PTPRC: variants seen among roughly 807,000 people sequenced by gnomAD.
PTPRC encodes the protein protein tyrosine phosphatase receptor type C, also known as receptor-type tyrosine-protein phosphatase C.
Under a neutral mutation model 155.9 loss-of-function variants are expected in PTPRC, and 44 were observed. That is an observed-to-expected ratio of 0.28 (90% CI 0.22 to 0.36). The LOEUF (loss-of-function observed/expected upper bound fraction) is 0.36, where lower values mean the gene tolerates loss of function less well. PTPRC is among the 10% of genes least tolerant of loss of function. The pLI is 1.00. For missense variants in PTPRC, 1,401 were observed against 1,564.6 expected, an observed-to-expected ratio of 0.90 and a Z score of 1.76; for synonymous variants, 525 against 533.1, an observed-to-expected ratio of 0.98 and a Z score of 0.21.
intron 31 of PTPRC, 151 bp from the exon 32 acceptor site, chr1:198,754,118 G>C (rs114128254): frequency 2.2e-6 from 2 of 921,806 alleles, no homozygotes; most frequent in African/African-American, 3.4e-5. Flanking sequence ...TGCATTTAGC[G>C]TAAATAATTT....
intron 2 of PTPRC, among the ~76,000 whole-genome samples, chr1:198,642,370 G>GTCTATCTA (rs369299301): frequency 0.1 from 15,298 of 150,400 alleles, 835 homozygotes; most frequent in Middle Eastern, 0.15. Context: ...CTATCTATCT[G>GTCTATCTA]TCTATCTATC....
At chr1:198,709,995 T>A (rs1408817960) in intron 11 of PTPRC, among the ~76,000 whole-genome samples, 171 bp downstream of exon 11, 3 of 152,232 alleles carry the variant, frequency 2.0e-5, no homozygotes, top group Non-Finnish European at 2.9e-5. Context: ...CTTTTGCTTA[T>A]GTTTTTGGTG....
chr1:198,658,005 C>A (rs1341752189), intron 2 of PTPRC, among the ~76,000 whole-genome samples: 2 of 152,162 alleles, frequency 1.3e-5, no homozygotes, highest in African/African-American at 4.8e-5. Flanking sequence ...ACAGGTTTTT[C>A]ACCTTTCCAG....
intron 3 of PTPRC, 30 bp from the exon 4 acceptor site, chr1:198,696,682 G>T: frequency 6.4e-7 from 1 of 1,565,622 alleles, no homozygotes; most frequent in African/African-American, 1.4e-5. Flanking sequence ...TATTTATTTT[G>T]TCCTTCTCCC....
At chr1:198,722,296 T>C in intron 14 of PTPRC, 120 bp from the exon 15 acceptor site, 1 of 402,044 alleles carries the variant, frequency 2.5e-6, no homozygotes, top group South Asian at 8.4e-5. Flanking sequence ...CAGCATACTT[T>C]TATTGTATGC....
intron 26 of PTPRC, among the ~76,000 whole-genome samples, chr1:198,744,469 T>C (rs1655050174): frequency 1.3e-5 from 2 of 151,818 alleles, no homozygotes; most frequent in African/African-American, 4.8e-5. Flanking sequence ...TGGTATAAAA[T>C]GAAGTGTCAA....
intron 4 of PTPRC, among the ~76,000 whole-genome samples, chr1:198,697,457 T>C (rs1666258532): frequency 6.6e-6 from 1 of 152,168 alleles, no homozygotes; most frequent in African/African-American, 2.4e-5. Context: ...TTAATTAAGG[T>C]TGTGAGTTCT....
intron 15 of PTPRC, among the ~76,000 whole-genome samples, chr1:198,726,760 C>A (rs1247120483): frequency 6.6e-6 from 1 of 152,048 alleles, no homozygotes; most frequent in African/African-American, 2.4e-5. Flanking sequence ...GAAAATACAT[C>A]CCCTCTACTT....
intron 15 of PTPRC, among the ~76,000 whole-genome samples, chr1:198,723,952 G>A (rs1283615870): frequency 2.6e-5 from 4 of 152,252 alleles, no homozygotes; most frequent in African/African-American, 4.8e-5. Flanking sequence ...AGTTATGAGC[G>A]GGCACTGCAC....
rs937358972 is a variant in PTPRC, at chr1:198,703,465, C to A, written c.658+93C>A. On this transcript the variant is annotated intron_variant, in intron 7 of 32. Coordinates refer to ENST00000442510, the MANE Select transcript of PTPRC (RefSeq NM_002838.5). ...CTTCCACCCACTCTACCTCGGGCTC[C>A]TTTCTTTAAGTTGCATTAAGTGTTT... 12 of 1,595,604 alleles carry A rather than the reference C, an allele frequency of 7.5e-6. No homozygotes were observed. In the South Asian group the frequency reaches 1.2e-4, roughly 16 times the overall value.
intron 23 of PTPRC, among the ~76,000 whole-genome samples, chr1:198,738,103 C>T (rs1196221943): frequency 6.6e-6 from 1 of 151,702 alleles, no homozygotes; most frequent in Non-Finnish European, 1.5e-5. Flanking sequence ...AATGTGCAAA[C>T]AAGTATAATT....
At chr1:198,687,723 A>C (rs547234898) in intron 2 of PTPRC, among the ~76,000 whole-genome samples, 2 of 152,288 alleles carry the variant, frequency 1.3e-5, no homozygotes, top group East Asian at 3.9e-4. Flanking sequence ...GTTTAACATT[A>C]AAAAGACTGA....
intron 2 of PTPRC, among the ~76,000 whole-genome samples, chr1:198,682,641 C>T (rs1395212906): frequency 6.6e-6 from 1 of 152,174 alleles, no homozygotes; most frequent in Non-Finnish European, 1.5e-5. Flanking sequence ...ATAGGTTGAT[C>T]AGCAAAGGCT....
Position 198,702,404 on chromosome 1 carries a change from A to T in PTPRC, c.457A>T (p.Ser153Cys). ...NAISDVPGER[S>C]TASTFPTDPV... ...GATTGCAGATGTCCCAGGAGAGAGG[A>T]GTACAGCCAGCACCTTTCCTACAGA... The change falls in exon 6 of 33, where the codon AGT (serine) becomes TGT (cysteine). Residue 153 changes from serine to cysteine, a missense_variant. By Grantham distance (112) the Ser-to-Cys change is moderately radical (BLOSUM62 -1). This residue lies in a region of PTPRC where 867 missense variants were observed against 970.4 expected (regional missense o/e 0.89). Transcript: ENST00000442510. 1 of 1,614,156 alleles carries T rather than the reference A, an allele frequency of 6.2e-7. No homozygotes were observed. The highest frequency in any genetic ancestry group is 8.5e-7 in the Non-Finnish European group (1 of 1,180,020).
chr1:198,740,356 T>C (rs1194486300), intron 23 of PTPRC, among the ~76,000 whole-genome samples: 3 of 151,930 alleles, frequency 2.0e-5, no homozygotes, highest in African/African-American at 7.2e-5. Context: ...GTCGGGTGTA[T>C]CATTTGAGGT....
At chr1:198,684,673 C>CA (rs200766684) in intron 2 of PTPRC, among the ~76,000 whole-genome samples, 2,771 of 150,380 alleles carry the variant, frequency 0.018, 34 homozygotes, top group Non-Finnish European at 0.019. Flanking sequence ...TTCTTTAAAA[C>CA]AAAAAAAAAG....
chr1:198,670,320 G>A (rs1473083850), intron 2 of PTPRC, among the ~76,000 whole-genome samples: 1 of 151,994 alleles, frequency 6.6e-6, no homozygotes, highest in Non-Finnish European at 1.5e-5. Context: ...ACCTTATTAT[G>A]TATGAAAACT....
At chr1:198,727,323 C>G (rs1022656268) in intron 15 of PTPRC, among the ~76,000 whole-genome samples, 1 of 152,012 alleles carries the variant, frequency 6.6e-6, no homozygotes, top group Non-Finnish European at 1.5e-5. Flanking sequence ...TTACTTATTT[C>G]TTCTGTTCAT....
At chr1:198,694,857 G>C in intron 3 of PTPRC, 24 of 966,328 alleles carry the variant, frequency 2.5e-5, no homozygotes, top group Non-Finnish European at 2.9e-5. Flanking sequence ...AGTTAGACCT[G>C]ATTTTACACT....
Sources: gnomAD v4.1 joint callset for allele counts (sites outside exome capture counted in the v4.1 genomes callset) on GRCh38, gnomAD v4.1.1 for gene constraint, gnomAD v4.1.1 regional missense constraint, MANE v1.5 for transcripts, NCBI Gene and HGNC (gene_info 2026-07-23, HGNC 2026-07-21) for gene names.